The following ARID2 variants were observed in gnomAD, a reference collection of about 807,000 sequenced individuals.
The protein encoded by ARID2 is AT-rich interaction domain 2.
A neutral mutation model predicts 184.6 loss-of-function variants in ARID2; 32 were observed. The observed-to-expected ratio is 0.17, with a 90% confidence interval of 0.13 to 0.23. ARID2 has a LOEUF of 0.23. Among genes scored for constraint, ARID2 ranks in the 10% least tolerant of loss-of-function variants. ARID2 has a pLI of 1.00. For missense variants in ARID2, 1,696 were observed against 2,197.6 expected (o/e 0.77, Z 4.56); for synonymous variants, 836 against 772.6 (o/e 1.08, Z -1.36).
intron 16 of ARID2, among the ~76,000 whole-genome samples, chr12:45,888,092 G>A (rs1944226502): frequency 6.6e-6 from 1 of 152,010 alleles, no homozygotes; most frequent in African/African-American, 2.4e-5. Flanking sequence ...CTACCCAGGA[G>A]GCTGTAGCAG....
At chr12:45,794,327 C>T (rs749779862) in intron 3 of ARID2, among the ~76,000 whole-genome samples, 4 of 152,182 alleles carry the variant, frequency 2.6e-5, no homozygotes, top group East Asian at 1.9e-4. Flanking sequence ...GCAACCTCAG[C>T]GTATGATTTT....
chr12:45,889,136 T>G (rs1171093243), intron 16 of ARID2, among the ~76,000 whole-genome samples: 1 of 152,106 alleles, frequency 6.6e-6, no homozygotes, highest in East Asian at 1.9e-4. Context: ...GAGCCAAGAT[T>G]GTGCCCCTGC....
chr12:45,849,701 C>G lies in ARID2; in HGVS notation c.1837C>G (p.Gln613Glu), dbSNP rs2138157209. ...AIPLPIQMYY[Q>E]QQPVSTSVVR... ...ACCACTTCCCATTCAGATGTACTAT[C>G]AGCAGCAACCAGTTTCTACTTCTGT... The change falls in exon 14 of 21, where the codon CAG becomes GAG. Residue 613 changes from glutamine to glutamate, a missense_variant. Around this residue, in one of 11 missense-constraint regions of ARID2, gnomAD observed 713 missense variants for 824.4 expected, o/e 0.86. Transcript: ENST00000334344. 1 of 1,613,878 alleles carries G rather than the reference C, an allele frequency of 6.2e-7. No homozygotes were observed. The highest frequency in any genetic ancestry group is 8.5e-7 in the Non-Finnish European group (1 of 1,179,844).
intron 3 of ARID2, among the ~76,000 whole-genome samples, chr12:45,745,304 A>G (rs1443400124): frequency 6.6e-6 from 1 of 152,174 alleles, no homozygotes; most frequent in Non-Finnish European, 1.5e-5. Flanking sequence ...TAATACTAGA[A>G]AGGATTTTAA....
chr12:45,765,011 ATTG>A (rs1941745388), intron 3 of ARID2, among the ~76,000 whole-genome samples: 1 of 152,196 alleles, frequency 6.6e-6, no homozygotes, highest in Non-Finnish European at 1.5e-5. Context: ...AGCATTTGAT[ATTG>A]TTAATTTTTA....
chr12:45,738,742 C>T (rs1941179698), intron 3 of ARID2, among the ~76,000 whole-genome samples: 1 of 145,148 alleles, frequency 6.9e-6, no homozygotes, highest in South Asian at 2.2e-4. Flanking sequence ...ATTCTTTATG[C>T]CACCCAAACT....
chr12:45,778,503 A>G (rs1315734187), intron 3 of ARID2, among the ~76,000 whole-genome samples: 1 of 152,098 alleles, frequency 6.6e-6, no homozygotes, highest in East Asian at 1.9e-4. Flanking sequence ...GCAGAGAGAG[A>G]AGTAATAAAA....
At chr12:45,753,095 C>T (rs1052309446) in intron 3 of ARID2, among the ~76,000 whole-genome samples, 1 of 151,952 alleles carries the variant, frequency 6.6e-6, no homozygotes, top group Non-Finnish European at 1.5e-5. Context: ...GAAACCCTGT[C>T]TCTACTAAAA....
intron 6 of ARID2, among the ~76,000 whole-genome samples, chr12:45,827,211 C>T (rs762897780): frequency 6.6e-6 from 1 of 151,538 alleles, no homozygotes; most frequent in African/African-American, 2.4e-5. Flanking sequence ...GGTAAAGTTA[C>T]ACTTTTCATA....
In ARID2 at chr12:45,883,666, C is replaced by T. The variant is rs1330835707; in HGVS notation, c.4923-8114C>T. 2.0e-5 allele frequency among the ~76,000 whole-genome samples: 3 copies of T among 150,900 alleles called. No homozygotes were observed. In the East Asian group the frequency reaches 5.8e-4, roughly 29 times the overall value. ...ATTTGAGTAAACAATTATGTAGTATCACATAGAAGGAGAAAATCAGGTCTT... is the reference window on the plus strand; with the variant it reads ...ATTTGAGTAAACAATTATGTAGTATTACATAGAAGGAGAAAATCAGGTCTT... On this transcript the variant is annotated intron_variant, in intron 16 of 20. Transcript: ENST00000334344.
chr12:45,770,009 C>T (rs1941838891), intron 3 of ARID2, among the ~76,000 whole-genome samples: 1 of 152,150 alleles, frequency 6.6e-6, no homozygotes. Context: ...AATCCTACCA[C>T]TTTGGGAGGC....
At chr12:45,823,091 G>A (rs1942929626) in intron 6 of ARID2, among the ~76,000 whole-genome samples, 1 of 151,826 alleles carries the variant, frequency 6.6e-6, no homozygotes, top group African/African-American at 2.4e-5. Flanking sequence ...CTCAACAAAT[G>A]TTTAAAAATT....
chr12:45,824,929 G>A (rs1036099224), intron 6 of ARID2, among the ~76,000 whole-genome samples: 1 of 151,170 alleles, frequency 6.6e-6, no homozygotes, highest in Non-Finnish European at 1.5e-5. Context: ...GAATGAAAAT[G>A]TGCTATTTTT....
chr12:45,855,840 C>T (rs1052965832), intron 15 of ARID2, among the ~76,000 whole-genome samples: 4 of 152,094 alleles, frequency 2.6e-5, no homozygotes, highest in African/African-American at 9.7e-5. Context: ...CCTCAGCCTC[C>T]CAAGACTGTA....
chr12:45,730,389 C>G (rs1243602066), intron 2 of ARID2, among the ~76,000 whole-genome samples: 1 of 145,332 alleles, frequency 6.9e-6, no homozygotes, highest in Non-Finnish European at 1.5e-5. Context: ...TGCCCGGTGC[C>G]CGGTCGGGCC....
chr12:45,857,452 T>C (rs1024932512), intron 15 of ARID2, among the ~76,000 whole-genome samples: 1 of 152,228 alleles, frequency 6.6e-6, no homozygotes, highest in Non-Finnish European at 1.5e-5. Flanking sequence ...ATTATAAAAC[T>C]AAGAAAAGTA....
chr12:45,750,993 A>G (rs2137993864), intron 3 of ARID2, among the ~76,000 whole-genome samples: 1 of 152,348 alleles, frequency 6.6e-6, no homozygotes, highest in South Asian at 2.1e-4. Flanking sequence ...TTTAATGAAT[A>G]ATAATTGATC....
intron 16 of ARID2, among the ~76,000 whole-genome samples, chr12:45,863,860 T>G (rs917916721): frequency 6.7e-6 from 1 of 150,048 alleles, no homozygotes; most frequent in Admixed American, 6.6e-5. Context: ...TTTTTTTGTT[T>G]TTTTTTTGAG....
chr12:45,743,733 G>A (rs892223519), intron 3 of ARID2, among the ~76,000 whole-genome samples: 4 of 152,152 alleles, frequency 2.6e-5, no homozygotes, highest in Non-Finnish European at 1.5e-5. Flanking sequence ...TGATGATACC[G>A]AGTTGACCTA....
Sources: gnomAD v4.1 joint callset for allele counts (sites outside exome capture counted in the v4.1 genomes callset) on GRCh38, gnomAD v4.1.1 for gene constraint, gnomAD v4.1.1 regional missense constraint, MANE v1.5 for transcripts, NCBI Gene and HGNC (gene_info 2026-07-23, HGNC 2026-07-21) for gene names.